Variants in DENND2A observed in about 807,000 individuals in gnomAD.
The protein encoded by DENND2A is DENN domain containing 2A, also known as DENN domain-containing protein 2A.
DENND2A carries 53 observed loss-of-function variants against 105.3 expected under a neutral mutation model. That is an observed-to-expected ratio of 0.50 (90% CI 0.40 to 0.63). DENND2A has a LOEUF of 0.63. Ranked by LOEUF, DENND2A falls within the 30% of genes least tolerant of loss-of-function variation. The pLI is 0.00. For missense variants in DENND2A, 1,138 were observed against 1,279.6 expected (o/e 0.89, Z 1.69); for synonymous variants, 522 against 508.4 (o/e 1.03, Z -0.36).
At position 140,527,292 on chromosome 7, in the gene DENND2A, G is replaced by C; in HGVS notation, c.2505+26C>G. On this transcript the variant is annotated intron_variant, in intron 15 of 19. Transcript: ENST00000496613. The surrounding 1 kb of genome is among the most constrained non-coding windows in gnomAD (Gnocchi z 4.9). ...TCTGTTCTCCGCACCCTGCAGGGAG[G>C]GGGACAGGGCTGAGTGGGAGCTCAC... 2 of 1,549,602 alleles carry C rather than the reference G, an allele frequency of 1.3e-6. No individual in the cohort carries two copies. Among genetic ancestry groups the C allele is most frequent in the East Asian group, 2.4e-5 (1 of 41,936 alleles).
rs369997641 is a variant in DENND2A, at chr7:140,602,102, A to C, written c.296T>G (p.Met99Arg). 6.2e-7 allele frequency: 1 copy of C among 1,613,786 alleles called. No homozygotes were observed. Among genetic ancestry groups the C allele is most frequent in the East Asian group, 2.2e-5 (1 of 44,844 alleles). ...CTCTGTGCTCTCTGTTCCTGGCCTCATTCCATTCTTAGCCTCTGTGACCTG... is the reference window on the plus strand; with the variant it reads ...CTCTGTGCTCTCTGTTCCTGGCCTCCTTCCATTCTTAGCCTCTGTGACCTG... The part of the protein sequence containing the change: ...RTQVTEAKNG[M>R]RPGTESTEKE... The change falls in exon 3 of 20, where the codon ATG (methionine) becomes AGG (arginine). Residue 99 changes from methionine (M) to arginine (R), a missense_variant. Met to Arg is a moderately conservative substitution (Grantham distance 91, BLOSUM62 -1). Transcript: ENST00000496613.
intron 4 of DENND2A, among the ~76,000 whole-genome samples, chr7:140,587,054 G>A (rs1252936588): frequency 6.6e-6 from 1 of 152,160 alleles, no homozygotes; most frequent in African/African-American, 2.4e-5. Context: ...CTCAGAGGAC[G>A]CTTTAGAGCC....
chr7:140,553,661 T>G (rs1797236426), intron 12 of DENND2A, among the ~76,000 whole-genome samples: 1 of 152,236 alleles, frequency 6.6e-6, no homozygotes, highest in Non-Finnish European at 1.5e-5. Flanking sequence ...GCAGTGTTTG[T>G]GTCCCTGGGT....
Position 140,601,537 on chromosome 7 carries a change from G to A in DENND2A, c.861C>T (p.Ile287=), listed in dbSNP as rs781077093. The A allele has an allele frequency of 8.7e-6, 14 of 1,614,074 alleles. No homozygotes were observed. Among genetic ancestry groups the A allele is most frequent in the East Asian group, 2.2e-5 (1 of 44,894 alleles). ...GATTTCTTTTCTCTTTCCTGAAGCC[G>A]ATGCCAGGCTTCCCATCTTTGTCCC... ...GEGDKDGKPG[I]GFRKEKRNLP... Residue 287 remains isoleucine (I), a synonymous_variant, in exon 3 of 20, where the codon ATC becomes ATT. Transcript: ENST00000496613.
intron 1 of DENND2A, among the ~76,000 whole-genome samples, chr7:140,624,623 T>G (rs1177939441): frequency 6.6e-6 from 1 of 152,078 alleles, no homozygotes; most frequent in African/African-American, 2.4e-5. Flanking sequence ...CTCAGGGGAC[T>G]CAGGTTTCCA....
At chr7:140,551,022 C>A (rs943497534) in intron 12 of DENND2A, among the ~76,000 whole-genome samples, 5 of 151,566 alleles carry the variant, frequency 3.3e-5, no homozygotes, top group African/African-American at 1.2e-4. Flanking sequence ...AGCTTGTGGC[C>A]GGGCACAGTG....
intron 6 of DENND2A, 71 bp downstream of exon 6, chr7:140,573,737 C>A: frequency 6.6e-7 from 1 of 1,526,626 alleles, no homozygotes; most frequent in Non-Finnish European, 8.9e-7. Context: ...TCCACCCAGA[C>A]CCCTCTGCAG....
At chr7:140,616,410 T>A (rs1338122800) in intron 1 of DENND2A, among the ~76,000 whole-genome samples, 2 of 151,722 alleles carry the variant, frequency 1.3e-5, no homozygotes, top group African/African-American at 4.8e-5. Context: ...GAAAGTAGAT[T>A]AGTGGTTGCC....
intron 5 of DENND2A, among the ~76,000 whole-genome samples, chr7:140,583,159 G>A (rs1563157430): frequency 1.3e-5 from 2 of 151,890 alleles, no homozygotes. Context: ...AGCCGGCCAT[G>A]GTGATGGCCC....
chr7:140,543,126 T>C (rs10952733), intron 14 of DENND2A, among the ~76,000 whole-genome samples: 1,528 of 48,722 alleles, frequency 0.031, 82 homozygotes, highest in Admixed American at 0.19. Flanking sequence ...CTTTTCTTTT[T>C]TTTTTTTTTT....
At chr7:140,562,305 G>A (rs1797648951) in intron 9 of DENND2A, among the ~76,000 whole-genome samples, 1 of 152,156 alleles carries the variant, frequency 6.6e-6, no homozygotes, top group African/African-American at 2.4e-5. Flanking sequence ...TCAGAGAGAG[G>A]AGGGCTCTGA....
intron 3 of DENND2A, among the ~76,000 whole-genome samples, chr7:140,589,022 C>G (rs566059324): frequency 6.6e-6 from 1 of 152,034 alleles, no homozygotes; most frequent in African/African-American, 2.4e-5. Context: ...ACATTACAGG[C>G]GTGAGCCACT....
At position 140,545,882 on chromosome 7, in the gene DENND2A, C is replaced by T. The variant is rs190650717; in HGVS notation, c.2178+917G>A. On this transcript the variant is annotated intron_variant, in intron 13 of 19. Coordinates refer to ENST00000496613, the MANE Select transcript of DENND2A (RefSeq NM_015689.5). ...CTGCTACATCCCCATGGCCAAGCCA[C>T]TGCATCTGGTATGGGATGGTTTCAG... 8.5e-5 allele frequency among the ~76,000 whole-genome samples: 13 copies of T among 152,344 alleles called. No individual in the cohort carries two copies. The East Asian group carries it at 2.5e-3, about 29-fold the overall frequency.
At chr7:140,610,411 T>C (rs1313438384) in intron 1 of DENND2A, among the ~76,000 whole-genome samples, 1 of 152,128 alleles carries the variant, frequency 6.6e-6, no homozygotes, top group Non-Finnish European at 1.5e-5. Flanking sequence ...CAATTACGTC[T>C]GTGAATTACC....
chr7:140,538,695 G>A (rs1016705073), intron 14 of DENND2A, among the ~76,000 whole-genome samples: 2 of 151,708 alleles, frequency 1.3e-5, no homozygotes, highest in Non-Finnish European at 2.9e-5. Context: ...TAATGGAGAC[G>A]GGGTTTCACC....
At chr7:140,533,985 C>T (rs979156382) in intron 14 of DENND2A, among the ~76,000 whole-genome samples, 2 of 152,040 alleles carry the variant, frequency 1.3e-5, no homozygotes, top group Non-Finnish European at 2.9e-5. Context: ...ACGATCTTGG[C>T]TCATTGCAAC....
At chr7:140,554,963 C>T (rs1797296681) in intron 12 of DENND2A, among the ~76,000 whole-genome samples, 1 of 152,148 alleles carries the variant, frequency 6.6e-6, no homozygotes, top group African/African-American at 2.4e-5. Context: ...CCATCTATTA[C>T]AGTAGCCTTT....
Position 140,569,687 on chromosome 7 carries a change from C to A in DENND2A, c.1498G>T (p.Val500Leu), listed in dbSNP as rs1162533555. The A allele has an allele frequency of 1.2e-6, 2 of 1,614,038 alleles. No homozygotes were observed. Among genetic ancestry groups the A allele is most frequent in the Non-Finnish European group, 8.5e-7 (1 of 1,179,884 alleles). ...IYEVRRGKKR[V>L]KRLSQSMESN... ...TCCATTGACTGGGACAGCCTCTTCA[C>A]CCGTTTCTTTCCTCTCCGGACCTCA... is the stretch of plus-strand genomic sequence containing the variant. The change falls in exon 7 of 20, where the codon GTG becomes TTG. Residue 500 changes from valine (V) to leucine (L), a missense_variant. Coordinates refer to ENST00000496613, the MANE Select transcript of DENND2A (RefSeq NM_015689.5).
chr7:140,607,660 C>T (rs1290178318), intron 1 of DENND2A, among the ~76,000 whole-genome samples: 1 of 152,186 alleles, frequency 6.6e-6, no homozygotes, highest in African/African-American at 2.4e-5. Flanking sequence ...CTCTGCAGAG[C>T]TGAAAGCTTC....
Sources: allele counts gnomAD v4.1 joint callset (sites outside exome capture counted in the v4.1 genomes callset), GRCh38; gene constraint gnomAD v4.1.1; non-coding constraint Gnocchi (gnomAD v3.1); transcripts MANE v1.5; gene names NCBI Gene and HGNC (gene_info 2026-07-23, HGNC 2026-07-21).